Variants in PCDH9 observed in about 807,000 individuals in gnomAD.
The protein encoded by PCDH9 is protocadherin-9.
Under a neutral mutation model 70.6 loss-of-function variants are expected in PCDH9, and 24 were observed. That is an observed-to-expected ratio of 0.34 (90% CI 0.25 to 0.48). PCDH9 has a LOEUF of 0.48. PCDH9 is among the 20% of genes least tolerant of loss of function. PCDH9 has a pLI of 0.99. For missense variants in PCDH9, 1,281 were observed against 1,503.6 expected (o/e 0.85, Z 2.45); for synonymous variants, 562 against 558.5 (o/e 1.01, Z -0.09).
At chr13:66,808,908 G>T (rs970611852) in intron 3 of PCDH9, among the ~76,000 whole-genome samples, 4 of 152,114 alleles carry the variant, frequency 2.6e-5, no homozygotes, top group Admixed American at 2.6e-4. Context: ...ATTTTGAGAA[G>T]CCCCACTAAA....
chr13:66,731,126 C>G (rs759581284), intron 3 of PCDH9, among the ~76,000 whole-genome samples: 17 of 151,602 alleles, frequency 1.1e-4, no homozygotes, highest in Admixed American at 2.0e-4. Context: ...AAGAATCATT[C>G]GAAGAGAATG....
intron 3 of PCDH9, among the ~76,000 whole-genome samples, chr13:66,787,580 C>T (rs2080099833): frequency 6.6e-6 from 1 of 151,760 alleles, no homozygotes; most frequent in Non-Finnish European, 1.5e-5. Flanking sequence ...CACACCACTG[C>T]ACTCTAGGCT....
intron 4 of PCDH9, among the ~76,000 whole-genome samples, chr13:66,349,662 T>C (rs1566260484): frequency 1.3e-5 from 2 of 152,066 alleles, no homozygotes; most frequent in African/African-American, 4.8e-5. Context: ...CTGAAGAAAG[T>C]AGTCCCCAAA....
chr13:66,948,649 A>G (rs2083128921), intron 2 of PCDH9, among the ~76,000 whole-genome samples: 1 of 152,060 alleles, frequency 6.6e-6, no homozygotes, highest in Admixed American at 6.6e-5. Context: ...AAACAGGTAA[A>G]TGCCTAGAGA....
chr13:66,990,570 A>G (rs996237378), intron 2 of PCDH9, among the ~76,000 whole-genome samples: 17 of 149,622 alleles, frequency 1.1e-4, no homozygotes, highest in African/African-American at 3.9e-4. Flanking sequence ...TTTTATATAT[A>G]AAAACATATA....
intron 4 of PCDH9, among the ~76,000 whole-genome samples, chr13:66,414,291 T>C (rs1957425271): frequency 6.6e-6 from 1 of 152,180 alleles, no homozygotes; most frequent in South Asian, 2.1e-4. Flanking sequence ...GATGCTGACT[T>C]AACTACAAAA....
At chr13:67,029,558 C>T (rs2084862525) in intron 2 of PCDH9, among the ~76,000 whole-genome samples, 1 of 152,176 alleles carries the variant, frequency 6.6e-6, no homozygotes, top group Admixed American at 6.6e-5. Flanking sequence ...CCCTAGAAAG[C>T]AGCTTCCTTT....
intron 4 of PCDH9, among the ~76,000 whole-genome samples, chr13:66,581,290 G>A (rs1354773030): frequency 6.6e-6 from 1 of 152,102 alleles, no homozygotes; most frequent in East Asian, 1.9e-4. Context: ...TGGCAACTCA[G>A]TATCATTCTA....
intron 4 of PCDH9, among the ~76,000 whole-genome samples, chr13:66,596,056 T>C (rs1209214486): frequency 6.6e-6 from 1 of 151,646 alleles, no homozygotes; most frequent in Non-Finnish European, 1.5e-5. Flanking sequence ...CAATAATTTG[T>C]GATAAATCAT....
intron 2 of PCDH9, chr13:67,212,387 A>C (rs1328758719): frequency 6.6e-6 from 1 of 152,114 alleles, no homozygotes; most frequent in African/African-American, 2.4e-5. Flanking sequence ...CAAGGGAAAA[A>C]AGTACTGTGC....
chr13:66,422,851 AT>A, intron 4 of PCDH9, among the ~76,000 whole-genome samples: 1 of 152,226 alleles, frequency 6.6e-6, no homozygotes, highest in East Asian at 1.9e-4. Context: ...CCTTAAAAAA[AT>A]ATCAATGAAT....
At chr13:66,771,449 C>A (rs1031020443) in intron 3 of PCDH9, among the ~76,000 whole-genome samples, 1 of 152,062 alleles carries the variant, frequency 6.6e-6, no homozygotes, top group African/African-American at 2.4e-5. Flanking sequence ...ATGGTTCCTG[C>A]CCTCCTGGAT....
At chr13:66,516,030 C>G (rs959524207) in intron 4 of PCDH9, among the ~76,000 whole-genome samples, 9 of 152,054 alleles carry the variant, frequency 5.9e-5, no homozygotes, top group Middle Eastern at 3.4e-3. Context: ...ATTTTATTTT[C>G]AGAGTTTTTT....
intron 2 of PCDH9, among the ~76,000 whole-genome samples, chr13:66,958,485 G>C (rs1157784680): frequency 2.6e-5 from 4 of 152,068 alleles, no homozygotes; most frequent in Non-Finnish European, 5.9e-5. Flanking sequence ...GAAAGATGGG[G>C]AATCAGTAAC....
At chr13:66,488,898 C>G (rs1958989627) in intron 4 of PCDH9, among the ~76,000 whole-genome samples, 1 of 151,990 alleles carries the variant, frequency 6.6e-6, no homozygotes, top group Non-Finnish European at 1.5e-5. Flanking sequence ...ATAGAACAAA[C>G]CAACCTAGAA....
intron 2 of PCDH9, among the ~76,000 whole-genome samples, chr13:67,153,965 T>C (rs1397494594): frequency 2.0e-5 from 3 of 152,240 alleles, no homozygotes; most frequent in Non-Finnish European, 4.4e-5. Context: ...GTGTATACTT[T>C]GGCACCTTGC....
chr13:66,914,023 G>T (rs1302396642), intron 2 of PCDH9, among the ~76,000 whole-genome samples: 1 of 151,790 alleles, frequency 6.6e-6, no homozygotes, highest in Non-Finnish European at 1.5e-5. Flanking sequence ...GAATAAATCA[G>T]GCCAAATTAA....
Position 67,012,016 on chromosome 13 carries a change from C to T in PCDH9, c.3037-108411G>A, listed in dbSNP as rs2084460880. Among the ~76,000 whole-genome samples the T allele has an allele frequency of 2.0e-5, 3 of 151,874 alleles. No homozygotes were observed. The South Asian group carries it at 6.2e-4, about 31-fold the overall frequency. On this transcript the variant is annotated intron_variant, in intron 2 of 4. Transcript: ENST00000377865. The stretch of plus-strand genomic sequence containing the variant: ...GAAACTAAAGTTAAATACATGACCT[C>T]GCCTTGAATAGAGTATCCTATGTAG...
chr13:66,964,033 A>G (rs1459970127), intron 2 of PCDH9, among the ~76,000 whole-genome samples: 1 of 152,138 alleles, frequency 6.6e-6, no homozygotes, highest in Admixed American at 6.6e-5. Flanking sequence ...AACAAATAAT[A>G]GATTAGATCT....
Sources: allele counts gnomAD v4.1 joint callset (sites outside exome capture counted in the v4.1 genomes callset), GRCh38; gene constraint gnomAD v4.1.1; transcripts MANE v1.5; gene names NCBI Gene and HGNC (gene_info 2026-07-23, HGNC 2026-07-21).